The following SNTG1 variants were observed in gnomAD, a reference collection of about 807,000 sequenced individuals.
SNTG1 encodes syntrophin gamma 1.
In SNTG1, 39 loss-of-function variants were observed where a neutral mutation model predicts 74.7. The ratio of observed to expected loss-of-function variants is 0.52; its 90% CI spans 0.40 to 0.68. The LOEUF (loss-of-function observed/expected upper bound fraction) is 0.68. SNTG1 is among the 30% of genes least tolerant of loss of function. SNTG1 has a pLI of 0.00. For synonymous variants in SNTG1, 254 were observed against 217.1 expected (o/e 1.17, Z -1.49); for missense variants, 685 against 609.5 (o/e 1.12, Z -1.30).
chr8:50,497,664 C>A (rs1176278734), intron 8 of SNTG1, among the ~76,000 whole-genome samples: 2 of 152,032 alleles, frequency 1.3e-5, no homozygotes, highest in South Asian at 2.1e-4. Flanking sequence ...CTGTGTCCAG[C>A]AATCCATGAC....
At chr8:50,641,647 A>G (rs2095073935) in intron 13 of SNTG1, among the ~76,000 whole-genome samples, 1 of 152,220 alleles carries the variant, frequency 6.6e-6, no homozygotes, top group Admixed American at 6.5e-5. Flanking sequence ...AACTTCTTTT[A>G]TCAACCCCAC....
At chr8:49,919,244 G>A (rs1184231880) in intron 1 of SNTG1, among the ~76,000 whole-genome samples, 2 of 152,084 alleles carry the variant, frequency 1.3e-5, no homozygotes, top group Non-Finnish European at 1.5e-5. Context: ...TACTGGGATT[G>A]ACCAAGGGAA....
intron 13 of SNTG1, among the ~76,000 whole-genome samples, chr8:50,654,189 T>A (rs717509): frequency 5.3e-5 from 8 of 151,936 alleles, no homozygotes; most frequent in Admixed American, 1.3e-4. Flanking sequence ...CTTTCTTAGC[T>A]GTGCTTGGGT....
intron 2 of SNTG1, among the ~76,000 whole-genome samples, chr8:50,208,582 C>T (rs1334428287): frequency 6.6e-6 from 1 of 152,124 alleles, no homozygotes; most frequent in Non-Finnish European, 1.5e-5. Flanking sequence ...TATTTGTTAT[C>T]TGTGAATTTG....
intron 2 of SNTG1, among the ~76,000 whole-genome samples, chr8:50,240,528 A>T (rs531676815): frequency 1.3e-5 from 2 of 152,280 alleles, no homozygotes; most frequent in South Asian, 4.1e-4. Context: ...AACAAACTAA[A>T]CCTATCACAA....
intron 17 of SNTG1, among the ~76,000 whole-genome samples, chr8:50,742,046 G>A (rs947560093): frequency 2.6e-5 from 4 of 152,018 alleles, no homozygotes; most frequent in South Asian, 2.1e-4. Context: ...ATGTAGGTTC[G>A]TAGATTATAA....
rs963408525 is a variant in SNTG1, at chr8:50,578,747, G to A, written c.811-12132G>A. Among the ~76,000 whole-genome samples, 3 of 152,164 alleles carry A rather than the reference G, an allele frequency of 2.0e-5. 1 individual carries two copies. The East Asian group carries it at 5.8e-4, about 29-fold the overall frequency. ...TTGCTGCCGCCACGTAAAGAAGGAT[G>A]TGTTTGCTTCCCCTTTTGCCATAAT... On this transcript the variant is annotated intron_variant, in intron 12 of 18. Transcript: ENST00000642720.
At chr8:50,611,171 G>T (rs142991603) in intron 13 of SNTG1, among the ~76,000 whole-genome samples, 160 of 152,264 alleles carry the variant, frequency 1.1e-3, no homozygotes, top group Admixed American at 3.1e-3. Flanking sequence ...ATGCCTGAGA[G>T]GAGATGTATC....
chr8:50,520,809 T>A (rs188338380), intron 9 of SNTG1, among the ~76,000 whole-genome samples: 2 of 152,298 alleles, frequency 1.3e-5, no homozygotes, highest in East Asian at 3.9e-4. Context: ...TAGGAACGCT[T>A]TTACACTGTT....
chr8:49,911,710 G>T lies in SNTG1; in HGVS notation c.-624G>T, dbSNP rs1805597971. Reference sequence around the variant, plus strand: ...GTCCCCTTACTTCAGCACCAGAGGGGATGGACAGCGTCTCCGGACTGAGCT... The same window carrying T: ...GTCCCCTTACTTCAGCACCAGAGGGTATGGACAGCGTCTCCGGACTGAGCT... On this transcript the variant is annotated 5_prime_UTR_variant, in exon 1 of 19. Transcript: ENST00000642720. 6.6e-6 allele frequency: 1 copy of T among 152,234 alleles called. No individual in the cohort carries two copies. The highest frequency in any genetic ancestry group is 6.5e-5 in the Admixed American group (1 of 15,280). 9.4% of individuals were successfully genotyped at this position (152,234 alleles called of 1,614,324 possible). A position where few individuals can be genotyped will look rare whatever the true frequency, so the allele number is the denominator to read the frequency against.
chr8:50,327,818 AG>A (rs1323267661), intron 2 of SNTG1, among the ~76,000 whole-genome samples: 1 of 151,900 alleles, frequency 6.6e-6, no homozygotes, highest in Non-Finnish European at 1.5e-5. Flanking sequence ...TTAACATGTC[AG>A]CTCCTTATTT....
chr8:49,943,762 T>C lies in SNTG1; in HGVS notation c.-103+31531T>C, dbSNP rs921973996. On this transcript the variant is annotated intron_variant, in intron 1 of 18. Transcript: ENST00000642720. The stretch of plus-strand genomic sequence containing the variant: ...GCATTTCCTCTTCTTTTAAAATGAG[T>C]CTTTCTTGGAAAAGCAAACTTTTAT... Among the ~76,000 whole-genome samples the C allele has an allele frequency of 4.6e-5, 7 of 152,210 alleles. No individual in the cohort carries two copies. The South Asian group carries it at 6.2e-4, about 14-fold the overall frequency.
At chr8:50,726,381 A>C (rs759190797) in intron 17 of SNTG1, among the ~76,000 whole-genome samples, 1 of 152,204 alleles carries the variant, frequency 6.6e-6, no homozygotes, top group Non-Finnish European at 1.5e-5. Context: ...GGAGACTGAA[A>C]CATAAAACGA....
intron 1 of SNTG1, among the ~76,000 whole-genome samples, chr8:50,081,716 C>T (rs1822430716): frequency 6.6e-6 from 1 of 152,134 alleles, no homozygotes; most frequent in African/African-American, 2.4e-5. Flanking sequence ...TCACTGCAAC[C>T]TCTGCCTCCC....
At chr8:50,332,455 TA>T (rs11479525) in intron 2 of SNTG1, among the ~76,000 whole-genome samples, 9,841 of 151,958 alleles carry the variant, frequency 0.065, 343 homozygotes, top group African/African-American at 0.071. Flanking sequence ...TTTTTTTTTT[TA>T]AAATGTGTTT....
intron 12 of SNTG1, among the ~76,000 whole-genome samples, chr8:50,561,715 A>G (rs2094489444): frequency 6.6e-6 from 1 of 152,186 alleles, no homozygotes; most frequent in South Asian, 2.1e-4. Context: ...TGAAAGTAAA[A>G]TAATAGATTA....
intron 1 of SNTG1, among the ~76,000 whole-genome samples, chr8:49,983,902 T>C (rs879389534): frequency 2.0e-5 from 3 of 152,132 alleles, no homozygotes; most frequent in Non-Finnish European, 4.4e-5. Context: ...GAATGGGGGG[T>C]ACTGTTATCC....
intron 1 of SNTG1, among the ~76,000 whole-genome samples, chr8:50,078,966 C>G (rs1822151559): frequency 4.6e-5 from 7 of 152,116 alleles, no homozygotes; most frequent in Admixed American, 4.6e-4. Flanking sequence ...CATTGATGAG[C>G]ATTTGGGTTG....
intron 11 of SNTG1, among the ~76,000 whole-genome samples, chr8:50,550,800 C>A (rs563838435): frequency 6.6e-6 from 1 of 151,988 alleles, no homozygotes; most frequent in African/African-American, 2.4e-5. Flanking sequence ...GTAATGGAGT[C>A]TATTGATTTC....
Sources: allele counts gnomAD v4.1 joint callset (sites outside exome capture counted in the v4.1 genomes callset), GRCh38; gene constraint gnomAD v4.1.1; transcripts MANE v1.5; gene names NCBI Gene and HGNC (gene_info 2026-07-23, HGNC 2026-07-21).